ATP8B4: variants seen among roughly 807,000 people sequenced by gnomAD.
ATP8B4 encodes the protein ATPase phospholipid transporting 8B4 (putative), also known as probable phospholipid-transporting ATPase IM.
In ATP8B4, 133 loss-of-function variants were observed where a neutral mutation model predicts 145.6. The observed-to-expected ratio is 0.91, with a 90% CI of 0.79 to 1.05. The LOEUF (loss-of-function observed/expected upper bound fraction) is 1.05, where lower values mean the gene tolerates loss of function less well. Ranked by LOEUF, ATP8B4 falls within the 50% of genes least tolerant of loss-of-function variation. ATP8B4 has a pLI of 0.00. For synonymous variants in ATP8B4, 507 were observed against 492.9 expected (o/e 1.03, Z -0.38); for missense variants, 1,458 against 1,425.2 (o/e 1.02, Z -0.37).
At chr15:50,059,910 T>G (rs562207497) in intron 3 of ATP8B4, among the ~76,000 whole-genome samples, 6 of 152,160 alleles carry the variant, frequency 3.9e-5, no homozygotes, top group African/African-American at 1.2e-4. Context: ...CCTGAGCCCT[T>G]TTTTAGAAAC....
chr15:49,918,959 A>G lies in ATP8B4; in HGVS notation c.1924-9T>C, dbSNP rs2040001636. On this transcript the variant is annotated splice_polypyrimidine_tract_variant and intron_variant, in intron 18 of 27. Transcript: ENST00000284509. ...GCAGTGGCACCTAGTAGCTTTATTG[A>G]AAAAGAGAGAAAAGTTTATGTTAAT... 1.9e-6 allele frequency: 3 copies of G among 1,581,532 alleles called. No individual in the cohort carries two copies. The highest frequency in any genetic ancestry group is 1.7e-4 in the Middle Eastern group (1 of 5,998).
chr15:50,014,987 A>G (rs1418319712), intron 6 of ATP8B4, among the ~76,000 whole-genome samples: 1 of 152,224 alleles, frequency 6.6e-6, no homozygotes, highest in East Asian at 1.9e-4. Context: ...GAAGCCACGA[A>G]AATGTCCATC....
chr15:50,016,576 C>T (rs938877960), intron 6 of ATP8B4, among the ~76,000 whole-genome samples: 1 of 152,116 alleles, frequency 6.6e-6, no homozygotes, highest in Non-Finnish European at 1.5e-5. Flanking sequence ...AAAGCCACAG[C>T]CAAGACCACG....
At chr15:49,991,601 G>A (rs1262272630) in intron 9 of ATP8B4, among the ~76,000 whole-genome samples, 2 of 152,096 alleles carry the variant, frequency 1.3e-5, no homozygotes, top group East Asian at 3.8e-4. Flanking sequence ...ATCAAGTTAT[G>A]TATCTTTTCT....
At chr15:50,012,068 T>C (rs527608543) in intron 6 of ATP8B4, among the ~76,000 whole-genome samples, 5 of 152,322 alleles carry the variant, frequency 3.3e-5, no homozygotes, top group Non-Finnish European at 7.4e-5. Context: ...AATTTTTCAA[T>C]TGCAGTATTT....
At chr15:49,866,529 A>C in intron 25 of ATP8B4, 45 bp from the exon 26 acceptor site, 1 of 1,599,642 alleles carries the variant, frequency 6.3e-7, no homozygotes, top group South Asian at 1.1e-5. Flanking sequence ...TGAGGATTAA[A>C]ACAGCATCAT....
intron 9 of ATP8B4, among the ~76,000 whole-genome samples, chr15:49,996,099 G>A (rs1599699744): frequency 6.6e-6 from 1 of 152,112 alleles, no homozygotes; most frequent in African/African-American, 2.4e-5. Flanking sequence ...TCGGGGACCA[G>A]CTGAATGGTA....
chr15:50,074,220 G>A, intron 2 of ATP8B4, 35 bp from the exon 3 acceptor site: 1 of 1,564,030 alleles, frequency 6.4e-7, no homozygotes, highest in African/African-American at 1.4e-5. Flanking sequence ...AAATTAAATT[G>A]TAGGCCCAGA....
intron 2 of ATP8B4, among the ~76,000 whole-genome samples, chr15:50,080,253 C>G (rs898200501): frequency 6.6e-6 from 1 of 152,104 alleles, no homozygotes; most frequent in South Asian, 2.1e-4. Context: ...CCATGTACTT[C>G]CAGTTATATT....
At chr15:49,933,363 T>C (rs1245127639) in intron 15 of ATP8B4, among the ~76,000 whole-genome samples, 1 of 152,020 alleles carries the variant, frequency 6.6e-6, no homozygotes, top group Non-Finnish European at 1.5e-5. Flanking sequence ...ATAAATGGAA[T>C]AGATTAGGTT....
intron 6 of ATP8B4, among the ~76,000 whole-genome samples, chr15:50,023,331 C>T (rs1005665431): frequency 1.3e-5 from 2 of 152,160 alleles, no homozygotes; most frequent in Non-Finnish European, 2.9e-5. Context: ...TGCCAGGGAT[C>T]GTGACCATAA....
chr15:50,083,137 A>G (rs1279563917), intron 2 of ATP8B4, among the ~76,000 whole-genome samples: 3 of 152,142 alleles, frequency 2.0e-5, no homozygotes, highest in African/African-American at 7.2e-5. Context: ...CTCGTGGCCC[A>G]GTCACTTCCC....
intron 1 of ATP8B4, among the ~76,000 whole-genome samples, chr15:50,155,120 C>T (rs2044394664): frequency 6.6e-6 from 1 of 151,994 alleles, no homozygotes; most frequent in Admixed American, 6.5e-5. Context: ...ACTTTTATAG[C>T]CTGTGAATAT....
intron 4 of ATP8B4, among the ~76,000 whole-genome samples, chr15:50,046,129 TA>T (rs35652247): frequency 0.08 from 12,171 of 152,252 alleles, 500 homozygotes; most frequent in South Asian, 0.12. Flanking sequence ...TGATCTTGGT[TA>T]AGCCAATTAC....
At chr15:49,994,630 A>G (rs2047280394) in intron 9 of ATP8B4, among the ~76,000 whole-genome samples, 1 of 152,032 alleles carries the variant, frequency 6.6e-6, no homozygotes, top group Non-Finnish European at 1.5e-5. Context: ...TATAAGAAGA[A>G]GAAAAAGCCA....
chr15:50,001,676 T>C (rs2047904624), intron 8 of ATP8B4, among the ~76,000 whole-genome samples: 1 of 152,234 alleles, frequency 6.6e-6, no homozygotes, highest in South Asian at 2.1e-4. Context: ...AACTGCTATA[T>C]GGTCTATAAC....
intron 15 of ATP8B4, 142 bp from the exon 16 acceptor site, chr15:49,931,449 T>C (rs1016990756): frequency 2.4e-5 from 18 of 750,344 alleles, no homozygotes; most frequent in Non-Finnish European, 3.4e-5. Flanking sequence ...TCTTTTCTAC[T>C]CACCAACAGC....
chr15:49,962,799 C>T (rs977531787), intron 13 of ATP8B4, among the ~76,000 whole-genome samples: 13 of 152,156 alleles, frequency 8.5e-5, no homozygotes, highest in Middle Eastern at 3.4e-3. Flanking sequence ...TATTTTGAAT[C>T]GTTGTATAGT....
intron 20 of ATP8B4, among the ~76,000 whole-genome samples, chr15:49,910,988 C>T (rs921202199): frequency 6.6e-6 from 1 of 151,910 alleles, no homozygotes; most frequent in African/African-American, 2.4e-5. Context: ...AAAGCAAACA[C>T]ACCAATGAGG....
Sources: allele counts gnomAD v4.1 joint callset (sites outside exome capture counted in the v4.1 genomes callset), GRCh38; gene constraint gnomAD v4.1.1; transcripts MANE v1.5; gene names NCBI Gene and HGNC (gene_info 2026-07-23, HGNC 2026-07-21).